Variants in TLR6 observed in about 807,000 individuals in gnomAD.
The protein encoded by TLR6 is toll-like receptor 6.
Under a neutral mutation model 16.1 loss-of-function variants are expected in TLR6, and 9 were observed. The observed-to-expected ratio is 0.56, with a 90% CI of 0.34 to 0.98. TLR6 has a LOEUF of 0.98. Ranked by LOEUF, TLR6 falls within the 50% of genes least tolerant of loss-of-function variation. TLR6 has a pLI of 0.02. For missense variants in TLR6, 786 were observed against 921.0 expected, an observed-to-expected ratio of 0.85 and a Z score of 1.90; for synonymous variants, 340 against 338.6, an observed-to-expected ratio of 1.00 and a Z score of -0.04.
chr4:38,850,955 G>A (rs2109469362), intron 1 of TLR6, among the ~76,000 whole-genome samples: 1 of 152,272 alleles, frequency 6.6e-6, no homozygotes, highest in African/African-American at 2.4e-5. Context: ...CAATATCCCT[G>A]ATGAACATTA....
Position 38,840,637 on chromosome 4 carries a change from A to G in TLR6, c.-64-11100T>C, listed in dbSNP as rs59067172. On this transcript the variant is annotated intron_variant, in intron 1 of 1. Transcript: ENST00000436693. ...TGACAGGGCAAGACTCCCTCTCAAA[A>G]AAAAAAAAAAAAGAAGACACACAAT... 2.5e-4 allele frequency among the ~76,000 whole-genome samples: 38 copies of G among 151,560 alleles called. No individual in the cohort carries two copies. In the East Asian group the frequency reaches 6.8e-3, roughly 27 times the overall value.
intron 1 of TLR6, among the ~76,000 whole-genome samples, chr4:38,839,317 A>T (rs1323170217): frequency 2.0e-5 from 3 of 152,032 alleles, no homozygotes; most frequent in Non-Finnish European, 4.4e-5. Context: ...TTTTAAAAAA[A>T]ATTAATAGAA....
intron 1 of TLR6, among the ~76,000 whole-genome samples, chr4:38,853,415 G>A (rs942076879): frequency 2.6e-5 from 4 of 151,576 alleles, no homozygotes; most frequent in Non-Finnish European, 4.4e-5. Flanking sequence ...TGTTCTTTCC[G>A]GAAGTTTTAA....
chr4:38,847,437 G>A (rs144647911), intron 1 of TLR6, among the ~76,000 whole-genome samples: 1 of 152,120 alleles, frequency 6.6e-6, no homozygotes, highest in Admixed American at 6.5e-5. Flanking sequence ...GACAGTGGGG[G>A]CAGGACAGTG....
intron 1 of TLR6, among the ~76,000 whole-genome samples, chr4:38,843,322 A>T (rs1712368850): frequency 6.6e-6 from 1 of 152,226 alleles, no homozygotes; most frequent in Admixed American, 6.5e-5. Context: ...AAAAGCAGCC[A>T]CCAACATTTT....
Position 38,827,324 on chromosome 4 carries a change from TA to T in TLR6, c.2149del (p.Tyr717IlefsTer15). 1 of 1,614,092 alleles carries T rather than the reference TA, an allele frequency of 6.2e-7. No individual in the cohort carries two copies. Among genetic ancestry groups the T allele is most frequent in the Non-Finnish European group, 8.5e-7 (1 of 1,180,004 alleles). On this transcript the variant is annotated frameshift_variant, in exon 2 of 2. Transcript: ENST00000436693. LOFTEE classifies it high-confidence loss of function. ...ATGAAAGAGATTGTGATGGGCAAAA[TA>T]GAGTTCGTAATGGCACCACTCACTC...
intron 1 of TLR6, among the ~76,000 whole-genome samples, chr4:38,839,753 T>G (rs554124685): frequency 6.6e-6 from 1 of 152,338 alleles, no homozygotes; most frequent in East Asian, 1.9e-4. Context: ...GATCCCTGAC[T>G]GGTAAATTGC....
the TLR6 span, among the ~76,000 whole-genome samples, chr4:38,862,974 C>T: frequency 6.7e-6 from 1 of 148,740 alleles, no homozygotes; most frequent in Non-Finnish European, 1.5e-5. Context: ...AATCCACAAC[C>T]TTCCCCTCCT....
At chr4:38,858,315 TA>T (rs1188314294), upstream of TLR6, among the ~76,000 whole-genome samples, 1 of 152,184 alleles carries the variant, frequency 6.6e-6, no homozygotes, top group Non-Finnish European at 1.5e-5. Flanking sequence ...GTGGCTGGAA[TA>T]GTGACTGACA....
chr4:38,837,566 C>A (rs556179165), intron 1 of TLR6, among the ~76,000 whole-genome samples: 2 of 152,228 alleles, frequency 1.3e-5, no homozygotes, highest in East Asian at 1.9e-4. Flanking sequence ...TGAAACTAGA[C>A]CCCTATCTCT....
exon 2 of TLR6, chr4:38,825,136 G>T (rs529702589): frequency 6.6e-6 from 1 of 152,210 alleles, no homozygotes; most frequent in South Asian, 2.1e-4. Context: ...AGAAAGCGAG[G>T]GCTTCATTTT....
At chr4:38,854,066 T>C (rs1712869780) in intron 1 of TLR6, among the ~76,000 whole-genome samples, 1 of 152,246 alleles carries the variant, frequency 6.6e-6, no homozygotes. Flanking sequence ...TCTTAGTTTT[T>C]ATCTATATTT....
the TLR6 span, among the ~76,000 whole-genome samples, chr4:38,865,451 G>A: frequency 7.2e-5 from 11 of 152,188 alleles, no homozygotes; most frequent in African/African-American, 2.7e-4. Flanking sequence ...GATAGGTGTG[G>A]TTTGGGTCAA....
chr4:38,854,897 A>G (rs1391129945), intron 1 of TLR6, among the ~76,000 whole-genome samples: 1 of 152,202 alleles, frequency 6.6e-6, no homozygotes, highest in Admixed American at 6.5e-5. Context: ...AAAAATGATA[A>G]TGTTAAATGA....
chr4:38,860,126 A>G (rs186995082), upstream of TLR6, among the ~76,000 whole-genome samples: 56 of 152,294 alleles, frequency 3.7e-4, no homozygotes, highest in African/African-American at 1.3e-3. Flanking sequence ...GCTTTAAAGT[A>G]AGTTTTGTGA....
the TLR6 span, among the ~76,000 whole-genome samples, chr4:38,865,789 T>C: frequency 1.3e-5 from 2 of 152,246 alleles, no homozygotes; most frequent in Non-Finnish European, 2.9e-5. Flanking sequence ...GATCTCAATT[T>C]AAAGCAGTTT....
the TLR6 span, among the ~76,000 whole-genome samples, chr4:38,864,318 G>C: frequency 6.6e-6 from 1 of 152,280 alleles, no homozygotes; most frequent in South Asian, 2.1e-4. Flanking sequence ...GCCGTATTTG[G>C]TACACAGTGC....
chr4:38,847,472 G>C (rs1023016567), intron 1 of TLR6, among the ~76,000 whole-genome samples: 10 of 151,778 alleles, frequency 6.6e-5, no homozygotes, highest in African/African-American at 2.4e-4. Flanking sequence ...AGTGTGAGCC[G>C]AAGCACGGTG....
At chr4:38,836,522 T>C (rs1319656501) in intron 1 of TLR6, among the ~76,000 whole-genome samples, 1 of 152,214 alleles carries the variant, frequency 6.6e-6, no homozygotes, top group Non-Finnish European at 1.5e-5. Flanking sequence ...CAGGACTGGA[T>C]GGCTTTACTG....
Sources: allele counts gnomAD v4.1 joint callset (sites outside exome capture counted in the v4.1 genomes callset), GRCh38; gene constraint gnomAD v4.1.1; transcripts MANE v1.5; gene names NCBI Gene and HGNC (gene_info 2026-07-23, HGNC 2026-07-21).